Variants in PDS5A observed in about 807,000 individuals in gnomAD.
PDS5A encodes the protein sister chromatid cohesion protein PDS5 homolog A.
PDS5A carries 42 observed loss-of-function variants against 167.1 expected under a neutral mutation model. That is an observed-to-expected ratio of 0.25 (90% CI 0.20 to 0.33). The LOEUF is 0.33. PDS5A is among the 10% of genes least tolerant of loss of function. The pLI is 1.00. For synonymous variants in PDS5A, 553 were observed against 554.6 expected (o/e 1.00, Z 0.04); for missense variants, 1,033 against 1,605.9 (o/e 0.64, Z 6.10).
In PDS5A at chr4:39,947,612, AAAAC is replaced by A. The variant is rs371958065; in HGVS notation, c.139-19452_139-19449del. On this transcript the variant is annotated intron_variant, in intron 2 of 32. Transcript: ENST00000303538. ...AACACTAATGATAGCTAATAACCTT[AAAAC>A]AAACAAAAAAAATTGCACAATAGTC... Among the ~76,000 whole-genome samples the A allele has an allele frequency of 4.7e-4, 72 of 152,328 alleles. No individual in the cohort carries two copies. In the Middle Eastern group the frequency reaches 0.014, roughly 29 times the overall value.
intron 32 of PDS5A, 99 bp from the exon 33 acceptor site, chr4:39,825,587 T>C: frequency 1.2e-6 from 1 of 843,420 alleles, no homozygotes; most frequent in Non-Finnish European, 1.7e-6. Context: ...CTAAAATCTT[T>C]TTTTTTTTTT....
intron 5 of PDS5A, among the ~76,000 whole-genome samples, chr4:39,924,196 C>T (rs571990738): frequency 9.2e-5 from 14 of 152,252 alleles, no homozygotes; most frequent in East Asian, 3.9e-4. Flanking sequence ...CCTCAGCTTA[C>T]GGCCAGATAT....
intron 17 of PDS5A, among the ~76,000 whole-genome samples, chr4:39,887,628 A>G (rs1177507154): frequency 6.6e-6 from 1 of 152,212 alleles, no homozygotes; most frequent in East Asian, 1.9e-4. Flanking sequence ...CTAGCAGAAA[A>G]TGCTAGGATA....
At chr4:39,863,658 C>T (rs1444360585) in intron 23 of PDS5A, among the ~76,000 whole-genome samples, 199 bp from the exon 24 acceptor site, 1 of 152,146 alleles carries the variant, frequency 6.6e-6, no homozygotes, top group Non-Finnish European at 1.5e-5. Context: ...ATCATTGTGA[C>T]TTTCTGATTA....
At chr4:39,961,435 A>G (rs1729472123) in intron 2 of PDS5A, among the ~76,000 whole-genome samples, 1 of 151,610 alleles carries the variant, frequency 6.6e-6, no homozygotes, top group African/African-American at 2.4e-5. Flanking sequence ...TTTTTTTTGT[A>G]TTTTTGGTAG....
intron 28 of PDS5A, 120 bp downstream of exon 28, chr4:39,848,731 A>T: frequency 1.2e-6 from 1 of 853,968 alleles, no homozygotes; most frequent in Non-Finnish European, 1.9e-6. Flanking sequence ...ACTCTTTGAT[A>T]AACCCAGATT....
At chr4:39,865,927 A>G (rs1719406225) in intron 23 of PDS5A, among the ~76,000 whole-genome samples, 1 of 152,242 alleles carries the variant, frequency 6.6e-6, no homozygotes, top group Non-Finnish European at 1.5e-5. Flanking sequence ...TTTGACAGAA[A>G]CCAGGATCAT....
intron 2 of PDS5A, among the ~76,000 whole-genome samples, chr4:39,958,244 C>A (rs956158481): frequency 6.6e-6 from 1 of 152,058 alleles, no homozygotes; most frequent in Non-Finnish European, 1.5e-5. Flanking sequence ...TGGTGGTTCA[C>A]ACCTGTAATC....
At chr4:39,868,798 A>G in intron 22 of PDS5A, 1 of 405,914 alleles carries the variant, frequency 2.5e-6, no homozygotes, top group Non-Finnish European at 4.9e-6. Context: ...GACAACCAGG[A>G]AAAATGAATT....
chr4:39,948,090 A>G (rs1391715817), intron 2 of PDS5A, among the ~76,000 whole-genome samples: 1 of 151,936 alleles, frequency 6.6e-6, no homozygotes, highest in Non-Finnish European at 1.5e-5. Context: ...CATTTCTACT[A>G]AAGATTTAAA....
At position 39,841,950 on chromosome 4, in the gene PDS5A, T is replaced by C. The variant is rs1252949581; in HGVS notation, c.3655A>G (p.Lys1219Glu). ...PVKNIDPVKN[K>E]EINSDQATQG... is the part of the protein sequence containing the mutation. ...ACTTGTTAAATTTTAAAATTTACCTTATTCTTTACTGGGTCAATATTCTTT... is the reference window on the plus strand; with the variant it reads ...ACTTGTTAAATTTTAAAATTTACCTCATTCTTTACTGGGTCAATATTCTTT... Residue 1219 changes from lysine to glutamate, a missense_variant and splice_region_variant, in exon 31 of 33, where the codon AAG (lysine) becomes GAG (glutamate). Physicochemically the swap from Lys to Glu is moderately conservative, Grantham distance 56. This residue lies in a region of PDS5A where 233 missense variants were observed against 264.0 expected (regional missense o/e 0.88). Coordinates refer to ENST00000303538, the MANE Select transcript of PDS5A (RefSeq NM_001100399.2). The C allele has an allele frequency of 1.3e-6, 2 of 1,526,322 alleles. No individual in the cohort carries two copies. The highest frequency in any genetic ancestry group is 2.3e-5 in the South Asian group (2 of 88,162). The allele number at this position is 1,526,322 out of a possible 1,614,324, so 94.5% of individuals were successfully genotyped here.
chr4:39,928,136 T>C lies in PDS5A; in HGVS notation c.167A>G (p.Asp56Gly). 2 of 1,610,998 alleles carry C rather than the reference T, an allele frequency of 1.2e-6. No homozygotes were observed. Among genetic ancestry groups the C allele is most frequent in the South Asian group, 1.1e-5 (1 of 90,780 alleles). Residue 56 changes from aspartate to glycine, a missense_variant, in exon 3 of 33, where the codon GAT becomes GGT. Around this residue, in one of 4 missense-constraint regions of PDS5A, gnomAD observed 388 missense variants for 615.1 expected, o/e 0.63. Transcript: ENST00000303538. ...KMVVKTFMDM[D>G]QDSEDEKQQY... ...CTGTTTTTCATCTTCTGAGTCCTGATCCATATCCATAAAGGTTTTCACTAC... is the reference window on the plus strand; with the variant it reads ...CTGTTTTTCATCTTCTGAGTCCTGACCCATATCCATAAAGGTTTTCACTAC...
At chr4:39,831,016 CCTTT>C (rs1461029581) in intron 32 of PDS5A, among the ~76,000 whole-genome samples, 2 of 152,212 alleles carry the variant, frequency 1.3e-5, no homozygotes, top group African/African-American at 4.8e-5. Flanking sequence ...GCTACATAGC[CCTTT>C]ATACCTGGGT....
At chr4:39,859,911 C>G (rs148506421) in intron 26 of PDS5A, among the ~76,000 whole-genome samples, 24 of 152,110 alleles carry the variant, frequency 1.6e-4, no homozygotes, top group Non-Finnish European at 3.4e-4. Context: ...GTGGGGACAC[C>G]ATGTTGAAGC....
At chr4:39,961,317 G>T (rs535078271) in intron 2 of PDS5A, among the ~76,000 whole-genome samples, 1 of 151,302 alleles carries the variant, frequency 6.6e-6, no homozygotes, top group Non-Finnish European at 1.5e-5. Flanking sequence ...TATTTTTTTT[G>T]AGATGGAGTC....
In PDS5A at chr4:39,824,332, T is replaced by C; in HGVS notation, c.*1153A>G. On this transcript the variant is annotated 3_prime_UTR_variant, in exon 33 of 33. Coordinates refer to ENST00000303538, the MANE Select transcript of PDS5A (RefSeq NM_001100399.2). ...AAGACTGCCATGACATCTAGAAGCA[T>C]TTATTTTATGCAAAAAACTTAAATA... 1 of 152,216 alleles carries C rather than the reference T, an allele frequency of 6.6e-6. No homozygotes were observed. Among genetic ancestry groups the C allele is most frequent in the Non-Finnish European group, 1.5e-5 (1 of 68,040 alleles). 9.4% of individuals were successfully genotyped at this position (152,216 alleles called of 1,614,324 possible).
intron 2 of PDS5A, among the ~76,000 whole-genome samples, chr4:39,954,630 T>C (rs1244187158): frequency 4.4e-5 from 6 of 135,648 alleles, no homozygotes; most frequent in Admixed American, 1.6e-4. Flanking sequence ...CTGAAATACA[T>C]TGTCAAGACA....
chr4:39,877,163 CAG>C lies in PDS5A; in HGVS notation c.1993-12_1993-11del. The stretch of plus-strand genomic sequence containing the variant: ...GTGTAAAAGACAGAACCTGAAAAAA[CAG>C]ATACAGCTTTAGAAGTACAGACAAT... On this transcript the variant is annotated splice_polypyrimidine_tract_variant and intron_variant, in intron 18 of 32. Coordinates refer to ENST00000303538, the MANE Select transcript of PDS5A (RefSeq NM_001100399.2). 1 of 1,522,002 alleles carries C rather than the reference CAG, an allele frequency of 6.6e-7. No individual in the cohort carries two copies. Among genetic ancestry groups the C allele is most frequent in the African/African-American group, 1.4e-5 (1 of 71,264 alleles). The allele number at this position is 1,522,002 out of a possible 1,614,324, so 94.3% of individuals were successfully genotyped here.
At chr4:39,882,404 C>G (rs1186581244) in intron 17 of PDS5A, among the ~76,000 whole-genome samples, 1 of 152,126 alleles carries the variant, frequency 6.6e-6, no homozygotes, top group Non-Finnish European at 1.5e-5. Flanking sequence ...CTTTGCCTAT[C>G]CTATATGTTT....
Sources: gnomAD v4.1 joint callset for allele counts (sites outside exome capture counted in the v4.1 genomes callset) on GRCh38, gnomAD v4.1.1 for gene constraint, gnomAD v4.1.1 regional missense constraint, MANE v1.5 for transcripts, NCBI Gene and HGNC (gene_info 2026-07-23, HGNC 2026-07-21) for gene names.